Variants in MED26 observed in about 807,000 individuals in gnomAD.
MED26 encodes the protein mediator complex subunit 26.
In MED26, 7 loss-of-function variants were observed where a neutral mutation model predicts 43.7. That is an observed-to-expected ratio of 0.16 (90% CI 0.09 to 0.30). The LOEUF (loss-of-function observed/expected upper bound fraction) is 0.30, where lower values mean the gene tolerates loss of function less well. MED26 is among the 10% of genes least tolerant of loss of function. The pLI is 1.00. For missense variants in MED26, 784 were observed against 840.6 expected (o/e 0.93, Z 0.83); for synonymous variants, 375 against 371.1 (o/e 1.01, Z -0.12).
chr19:16,622,782 T>C (rs1417692422), intron 1 of MED26, among the ~76,000 whole-genome samples: 1 of 152,102 alleles, frequency 6.6e-6, no homozygotes, highest in Non-Finnish European at 1.5e-5. Context: ...AAGCACCCAG[T>C]TTCCAGAAGG....
chr19:16,576,443 C>T lies in MED26; in HGVS notation c.1387G>A (p.Glu463Lys), dbSNP rs1467774210. ...QQSRTELDKQ[E>K]AKASLQSPFE... ...GGGCTCTGGAGGCTGGCCTTGGCCT[C>T]CTGCTTGTCCAGCTCTGTCCTGGAC... Residue 463 changes from glutamate (E) to lysine (K), a missense_variant, in exon 3 of 3, where the codon GAG becomes AAG. By Grantham distance (56) the Glu-to-Lys change is moderately conservative. Around this residue, in one of 3 missense-constraint regions of MED26, gnomAD observed 719 missense variants for 730.9 expected, o/e 0.98. Coordinates refer to ENST00000263390, the MANE Select transcript of MED26 (RefSeq NM_004831.5). This position sits in a 1 kb window ranked among gnomAD's most constrained non-coding sequence, Gnocchi z 6.8. 1 of 1,614,172 alleles carries T rather than the reference C, an allele frequency of 6.2e-7. No individual in the cohort carries two copies.
In MED26 at chr19:16,576,854, C is replaced by T. The variant is rs773841297; in HGVS notation, c.976G>A (p.Val326Ile). 1.1e-4 allele frequency: 184 copies of T among 1,610,800 alleles called. 6 individuals are homozygous for T. The South Asian group carries it at 1.9e-3, about 16-fold the overall frequency. ...CTGGGCAGCAGCTCGAGCCGCCGTA[C>T]GGGGGGTGTGGACGGCTGTGCCAGT... ...LPLAQPSTPP[V>I]RRLELLPSAE... Residue 326 changes from valine to isoleucine, a missense_variant, in exon 3 of 3, where the codon GTA becomes ATA. Coordinates refer to ENST00000263390, the MANE Select transcript of MED26 (RefSeq NM_004831.5). The surrounding 1 kb of genome is among the most constrained non-coding windows in gnomAD (Gnocchi z 6.8).
chr19:16,583,164 C>T (rs2086053980), intron 1 of MED26, among the ~76,000 whole-genome samples: 1 of 152,260 alleles, frequency 6.6e-6, no homozygotes, highest in South Asian at 2.1e-4. Context: ...GGCCCGATGG[C>T]CAATTGCAGC....
chr19:16,594,418 C>T (rs1164792752), intron 1 of MED26, among the ~76,000 whole-genome samples: 1 of 152,198 alleles, frequency 6.6e-6, no homozygotes, highest in Non-Finnish European at 1.5e-5. Flanking sequence ...CTGAACCACG[C>T]GCATCTCACA....
intron 1 of MED26, among the ~76,000 whole-genome samples, chr19:16,625,302 A>T (rs1489792810): frequency 6.6e-6 from 1 of 152,232 alleles, no homozygotes; most frequent in African/African-American, 2.4e-5. Flanking sequence ...CACAGAAACT[A>T]CTTTCCTCCT....
intron 1 of MED26, among the ~76,000 whole-genome samples, chr19:16,614,443 C>T (rs2086213697): frequency 6.6e-6 from 1 of 151,976 alleles, no homozygotes; most frequent in South Asian, 2.1e-4. Flanking sequence ...GTAGGAGGAT[C>T]ACTTGAGCCG....
chr19:16,619,783 C>G (rs1220397377), intron 1 of MED26, among the ~76,000 whole-genome samples: 1 of 152,128 alleles, frequency 6.6e-6, no homozygotes, highest in Non-Finnish European at 1.5e-5. Flanking sequence ...GCTGTGCACC[C>G]AGCACACGAA....
intron 1 of MED26, among the ~76,000 whole-genome samples, chr19:16,595,838 T>C (rs886891717): frequency 2.6e-5 from 4 of 152,246 alleles, no homozygotes; most frequent in African/African-American, 9.6e-5. Context: ...CCTTCTCCGA[T>C]TGCTGGGCAG....
intron 1 of MED26, chr19:16,588,305 G>GA (rs1230146004): frequency 6.6e-6 from 1 of 152,364 alleles, no homozygotes; most frequent in African/African-American, 2.4e-5. Flanking sequence ...ATCCTCGGGG[G>GA]AAACACACAC....
intron 1 of MED26, among the ~76,000 whole-genome samples, chr19:16,604,536 G>C (rs2086163767): frequency 6.6e-6 from 1 of 152,222 alleles, no homozygotes; most frequent in Admixed American, 6.5e-5. Context: ...TGGATGTGCA[G>C]GCTGAGGCTG....
chr19:16,608,835 A>C (rs1599344131), intron 1 of MED26, among the ~76,000 whole-genome samples: 1 of 152,246 alleles, frequency 6.6e-6, no homozygotes, highest in Non-Finnish European at 1.5e-5. Context: ...AAAGTTAGCC[A>C]ACTCCTGGGG....
intron 1 of MED26, among the ~76,000 whole-genome samples, chr19:16,592,206 A>G (rs2086100954): frequency 6.6e-6 from 1 of 152,188 alleles, no homozygotes; most frequent in Admixed American, 6.5e-5. Context: ...AGTCCCTCCC[A>G]GGTGTGACTC....
intron 1 of MED26, among the ~76,000 whole-genome samples, chr19:16,615,883 A>G (rs1239768776): frequency 6.6e-6 from 1 of 152,186 alleles, no homozygotes; most frequent in Non-Finnish European, 1.5e-5. Flanking sequence ...ACCCCAGCAG[A>G]AAACAGCTCA....
intron 1 of MED26, among the ~76,000 whole-genome samples, chr19:16,583,852 G>A (rs1308010505): frequency 6.6e-6 from 1 of 152,096 alleles, no homozygotes; most frequent in Non-Finnish European, 1.5e-5. Context: ...AACCAAGCAG[G>A]GAGGCCTGGT....
chr19:16,608,781 A>G (rs1203367938), intron 1 of MED26, among the ~76,000 whole-genome samples: 2 of 152,228 alleles, frequency 1.3e-5, no homozygotes, highest in Non-Finnish European at 2.9e-5. Context: ...CTACGGCCAT[A>G]TGGCCTGCAA....
At chr19:16,596,945 C>CATATT (rs2086122620) in intron 1 of MED26, among the ~76,000 whole-genome samples, 1 of 152,232 alleles carries the variant, frequency 6.6e-6, no homozygotes, top group Non-Finnish European at 1.5e-5. Flanking sequence ...TGCAGCAGTT[C>CATATT]ATATTCCAAC....
chr19:16,591,093 A>G (rs924814830), intron 1 of MED26, among the ~76,000 whole-genome samples: 1 of 136,090 alleles, frequency 7.3e-6, no homozygotes, highest in Middle Eastern at 3.6e-3. Flanking sequence ...ATAAATAAAT[A>G]AAGCTATTAA....
intron 1 of MED26, among the ~76,000 whole-genome samples, chr19:16,625,189 G>A (rs761038189): frequency 1.6e-4 from 25 of 152,202 alleles, no homozygotes; most frequent in Admixed American, 1.2e-3. Context: ...TTTTCAAAAG[G>A]AGAGTAGAGG....
chr19:16,595,092 C>T (rs1011907438), intron 1 of MED26, among the ~76,000 whole-genome samples: 3 of 152,154 alleles, frequency 2.0e-5, no homozygotes, highest in African/African-American at 7.2e-5. Flanking sequence ...TCCCTCACTG[C>T]GGATTCACAC....
Sources: gnomAD v4.1 joint callset for allele counts (sites outside exome capture counted in the v4.1 genomes callset) on GRCh38, gnomAD v4.1.1 for gene constraint, gnomAD v4.1.1 regional missense constraint, Gnocchi (gnomAD v3.1) non-coding constraint, MANE v1.5 for transcripts, NCBI Gene and HGNC (gene_info 2026-07-23, HGNC 2026-07-21) for gene names.